The following SLC2A2 variants were observed in gnomAD, a reference collection of about 807,000 sequenced individuals.
SLC2A2 encodes the protein solute carrier family 2 member 2, also known as solute carrier family 2, facilitated glucose transporter member 2.
A neutral mutation model predicts 54.5 loss-of-function variants in SLC2A2; 36 were observed. The observed-to-expected ratio is 0.66, with a 90% CI of 0.51 to 0.87. The LOEUF (loss-of-function observed/expected upper bound fraction) is 0.87. Among genes scored for constraint, SLC2A2 ranks in the 40% least tolerant of loss-of-function variants. SLC2A2 has a pLI of 0.00. For missense variants in SLC2A2, 543 were observed against 624.3 expected, an observed-to-expected ratio of 0.87 and a Z score of 1.39; for synonymous variants, 223 against 219.1, an observed-to-expected ratio of 1.02 and a Z score of -0.16.
chr3:171,019,115 A>G (rs1485156909), intron 1 of SLC2A2, among the ~76,000 whole-genome samples: 24 of 5,526 alleles, frequency 4.3e-3, no homozygotes, highest in African/African-American at 0.031. Flanking sequence ...ATATATATAT[A>G]TATATATACG....
intron 8 of SLC2A2, among the ~76,000 whole-genome samples, chr3:171,002,185 AAG>A (rs764668670): frequency 1.3e-5 from 2 of 151,994 alleles, no homozygotes; most frequent in Non-Finnish European, 2.9e-5. Flanking sequence ...ACTATGTAAA[AAG>A]AGGAATCTAA....
chr3:171,015,728 A>C (rs1716122296), intron 2 of SLC2A2, among the ~76,000 whole-genome samples: 1 of 152,132 alleles, frequency 6.6e-6, no homozygotes, highest in Admixed American at 6.5e-5. Flanking sequence ...CAGAGAGGAA[A>C]ACAACCGGGT....
At chr3:171,024,208 TA>T (rs894734835) in intron 1 of SLC2A2, among the ~76,000 whole-genome samples, 8 of 152,186 alleles carry the variant, frequency 5.3e-5, no homozygotes. Context: ...CTATAAACAG[TA>T]AAAGGGCTAC....
rs1350704340 is a variant in SLC2A2 at position 170,998,210 on chromosome 3, A to AC, written c.1356dup (p.Cys453ValfsTer31). On this transcript the variant is annotated frameshift_variant, in exon 10 of 11. Transcript: ENST00000314251. LOFTEE classifies it high-confidence loss of function. ...CTGCTTACCGCAATGTACTGGAAAC[A>AC]CAGAGCTACAATGAAATTGCAGGTC... 1 of 1,613,790 alleles carries AC rather than the reference A, an allele frequency of 6.2e-7. No homozygotes were observed. The highest frequency in any genetic ancestry group is 8.5e-7 in the Non-Finnish European group (1 of 1,179,798).
chr3:171,002,809 G>A (rs1715401018), intron 7 of SLC2A2, 129 bp from the exon 8 acceptor site: 2 of 661,930 alleles, frequency 3.0e-6, no homozygotes, highest in Non-Finnish European at 5.4e-6. Context: ...ACTTCGTACA[G>A]ATTTTCTCCT....
At position 171,007,683 on chromosome 3, in the gene SLC2A2, A is replaced by G. The variant is rs185812069; in HGVS notation, c.497-420T>C. On this transcript the variant is annotated intron_variant, in intron 4 of 10. Transcript: ENST00000314251. ...AACCTCTTGATAGATGTTGAGTAAC[A>G]ACTTGCCAAAGATCACAAGCAACAG... Among the ~76,000 whole-genome samples the G allele has an allele frequency of 2.9e-4, 44 of 152,148 alleles. No homozygotes were observed. In the East Asian group the frequency reaches 8.0e-3, roughly 28 times the overall value.
chr3:171,003,560 C>T (rs534726961), intron 7 of SLC2A2, among the ~76,000 whole-genome samples: 32 of 151,876 alleles, frequency 2.1e-4, no homozygotes, highest in East Asian at 1.9e-4. Context: ...TGACTATTGA[C>T]GTTTTTAAAA....
chr3:171,018,533 G>C lies in SLC2A2; in HGVS notation c.106C>G (p.Gln36Glu), dbSNP rs1158195535. The C allele has an allele frequency of 1.2e-6, 2 of 1,603,886 alleles. No homozygotes were observed. The highest frequency in any genetic ancestry group is 2.2e-5 in the South Asian group (2 of 90,882). ...GAACTTCTACATATTTCACTTGCCT[G>C]TTGAGGTGCATTGATCACACCAATG... The part of the protein sequence containing the change: ...YDIGVINAPQ[Q>E]VIISHYRHVL... Residue 36 changes from glutamine (Q) to glutamate (E), a missense_variant and splice_region_variant, in exon 2 of 11, where the codon CAG becomes GAG. Gln to Glu is a conservative substitution (Grantham distance 29). Around this residue, in one of 3 missense-constraint regions of SLC2A2, gnomAD observed 318 missense variants for 343.8 expected, o/e 0.93. Coordinates refer to ENST00000314251, the MANE Select transcript of SLC2A2 (RefSeq NM_000340.2).
At chr3:171,011,951 A>G (rs1291043252) in intron 3 of SLC2A2, among the ~76,000 whole-genome samples, 1 of 152,192 alleles carries the variant, frequency 6.6e-6, no homozygotes, top group Non-Finnish European at 1.5e-5. Flanking sequence ...ACTTCTGTTC[A>G]GATATTAGAA....
intron 3 of SLC2A2, among the ~76,000 whole-genome samples, chr3:171,013,147 TA>T (rs1715968177): frequency 6.6e-6 from 1 of 152,186 alleles, no homozygotes; most frequent in Non-Finnish European, 1.5e-5. Context: ...TAATTTGATT[TA>T]CTTAAAAATT....
At chr3:171,016,866 T>G (rs1716177697) in intron 2 of SLC2A2, among the ~76,000 whole-genome samples, 1 of 151,522 alleles carries the variant, frequency 6.6e-6, no homozygotes, top group Non-Finnish European at 1.5e-5. Flanking sequence ...TTTTTTTTTT[T>G]TTTTGAGATG....
chr3:171,013,563 A>T (rs1235848622), intron 3 of SLC2A2, among the ~76,000 whole-genome samples: 1 of 152,150 alleles, frequency 6.6e-6, no homozygotes, highest in Non-Finnish European at 1.5e-5. Context: ...GAGAGCTAAA[A>T]ATTATAATTT....
chr3:170,999,799 G>A (rs765622090), intron 8 of SLC2A2, among the ~76,000 whole-genome samples: 6 of 152,016 alleles, frequency 3.9e-5, no homozygotes, highest in South Asian at 2.1e-4. Context: ...TGAACTATTC[G>A]TTTTAAAAGT....
At chr3:171,014,370 G>A (rs542904712) in intron 3 of SLC2A2, 99 bp downstream of exon 3, 16 of 1,337,510 alleles carry the variant, frequency 1.2e-5, no homozygotes, top group South Asian at 3.6e-5. Flanking sequence ...CAACTCTAAA[G>A]CTATTCCACA....
intron 1 of SLC2A2, among the ~76,000 whole-genome samples, chr3:171,024,423 T>C (rs1406546205): frequency 1.3e-5 from 2 of 152,172 alleles, no homozygotes; most frequent in Non-Finnish European, 2.9e-5. Flanking sequence ...TGACAGATAC[T>C]CTAGTGTGGG....
In SLC2A2 at chr3:171,002,595, A is replaced by C. The variant is rs746863503; in HGVS notation, c.1049T>G (p.Met350Arg). 1.2e-6 allele frequency: 2 copies of C among 1,608,648 alleles called. No homozygotes were observed. The highest frequency in any genetic ancestry group is 2.7e-5 in the African/African-American group (2 of 74,712). ...ACTTACAGAGACAGCAGTGAAAACCATGTTTACAGCGCCAACTCCAATGGT... is the reference window on the plus strand; with the variant it reads ...ACTTACAGAGACAGCAGTGAAAACCCTGTTTACAGCGCCAACTCCAATGGT... ...YATIGVGAVN[M>R]VFTAVSVFLV... The change falls in exon 8 of 11, where the codon ATG becomes AGG. Residue 350 changes from methionine (M) to arginine (R), a missense_variant. Around this residue, in one of 3 missense-constraint regions of SLC2A2, gnomAD observed 117 missense variants for 179.2 expected, o/e 0.65. Transcript: ENST00000314251.
At chr3:171,012,726 T>C (rs765596051) in intron 3 of SLC2A2, among the ~76,000 whole-genome samples, 13 of 152,172 alleles carry the variant, frequency 8.5e-5, no homozygotes, top group Non-Finnish European at 1.6e-4. Context: ...TCTAGAAAGA[T>C]AATTTTATGG....
At chr3:171,005,157 GT>G in intron 7 of SLC2A2, 127 bp downstream of exon 7, 2 of 797,066 alleles carry the variant, frequency 2.5e-6, no homozygotes, top group Non-Finnish European at 4.4e-6. Context: ...CTCAATGTAC[GT>G]TTGTTATAGC....
chr3:171,000,155 A>C lies in SLC2A2; in HGVS notation c.1069-989T>G, dbSNP rs371234021. Among the ~76,000 whole-genome samples the C allele has an allele frequency of 4.3e-4, 66 of 152,222 alleles. 1 individual carries two copies. The East Asian group carries it at 7.2e-3, about 17-fold the overall frequency. Reference sequence around the variant, plus strand: ...TTAGAAACATTTCACCTACAGTGAAAGCCTGTTTCTCAGAGGCACACTCAT... The same window carrying C: ...TTAGAAACATTTCACCTACAGTGAACGCCTGTTTCTCAGAGGCACACTCAT... On this transcript the variant is annotated intron_variant, in intron 8 of 10. Coordinates refer to ENST00000314251, the MANE Select transcript of SLC2A2 (RefSeq NM_000340.2).
Sources: allele counts gnomAD v4.1 joint callset (sites outside exome capture counted in the v4.1 genomes callset), GRCh38; gene constraint gnomAD v4.1.1; regional missense constraint gnomAD v4.1.1; transcripts MANE v1.5; gene names NCBI Gene and HGNC (gene_info 2026-07-23, HGNC 2026-07-21).